Variants in ABCG2 observed in about 807,000 individuals in gnomAD.
ABCG2 encodes the protein broad substrate specificity ATP-binding cassette transporter ABCG2.
Under a neutral mutation model 73.5 loss-of-function variants are expected in ABCG2, and 80 were observed. That is an observed-to-expected ratio of 1.09 (90% CI 0.91 to 1.31). The LOEUF is 1.31. Ranked by LOEUF, ABCG2 falls within the 50% of genes most tolerant of loss-of-function variation. The pLI is 0.00. For synonymous variants in ABCG2, 269 were observed against 282.4 expected (o/e 0.95, Z 0.48); for missense variants, 796 against 786.2 (o/e 1.01, Z -0.15).
intron 1 of ABCG2, among the ~76,000 whole-genome samples, chr4:88,182,729 A>G (rs1249030342): frequency 1.3e-5 from 2 of 152,184 alleles, no homozygotes; most frequent in Non-Finnish European, 2.9e-5. Flanking sequence ...CAACATAGCA[A>G]AACCTATGGG....
intron 1 of ABCG2, among the ~76,000 whole-genome samples, chr4:88,169,587 A>C (rs989150935): frequency 3.9e-5 from 6 of 152,128 alleles, no homozygotes; most frequent in Non-Finnish European, 5.9e-5. Context: ...CATCATCCAC[A>C]AGTATGGCTA....
intron 1 of ABCG2, among the ~76,000 whole-genome samples, chr4:88,229,500 C>T (rs188637984): frequency 6.4e-4 from 98 of 152,248 alleles, no homozygotes; most frequent in African/African-American, 2.0e-3. Flanking sequence ...AAATTTACAA[C>T]CTACCTACTC....
intron 1 of ABCG2, among the ~76,000 whole-genome samples, chr4:88,207,031 G>T (rs118013835): frequency 6.6e-6 from 1 of 152,092 alleles, no homozygotes. Context: ...CTGACCTCAG[G>T]TGATCCACCC....
At position 88,132,573 on chromosome 4, in the gene ABCG2, C is replaced by T. The variant is rs762391128; in HGVS notation, c.263+3G>A. On this transcript the variant is annotated splice_donor_region_variant and intron_variant, in intron 3 of 15. Transcript: ENST00000237612. The stretch of plus-strand genomic sequence containing the variant: ...ACGCTTACTTATACTCTCTTATACT[C>T]ACGAAGATTTGCCTCCACCTGTGGG... 5.6e-6 allele frequency: 9 copies of T among 1,614,132 alleles called. No homozygotes were observed. The Admixed American group carries it at 1.5e-4, about 27-fold the overall frequency.
chr4:88,101,090 TTCA>T, intron 11 of ABCG2, 137 bp downstream of exon 11: 1 of 623,266 alleles, frequency 1.6e-6, no homozygotes, highest in Non-Finnish European at 2.8e-6. Flanking sequence ...ACAATTTTTA[TTCA>T]TCAATTTAAA....
At chr4:88,095,016 A>G (rs1420714053) in intron 14 of ABCG2, among the ~76,000 whole-genome samples, 1 of 152,182 alleles carries the variant, frequency 6.6e-6, no homozygotes, top group African/African-American at 2.4e-5. Flanking sequence ...TACAGTGACA[A>G]TCTTTCGTTC....
intron 1 of ABCG2, among the ~76,000 whole-genome samples, chr4:88,166,791 T>C (rs896074330): frequency 5.9e-5 from 9 of 152,120 alleles, no homozygotes; most frequent in African/African-American, 2.2e-4. Flanking sequence ...TGATTCATCA[T>C]CATAGGAAAG....
In ABCG2 at chr4:88,131,114, GT is replaced by G. The variant is rs755124421; in HGVS notation, c.477del (p.Glu159AspfsTer10). The G allele has an allele frequency of 4.3e-6, 7 of 1,613,984 alleles. No individual in the cohort carries two copies. In the South Asian group the frequency reaches 7.7e-5, roughly 18 times the overall value. ...ATTMTNHEKN[E>X]RINRVIQELG... ...AACTCTTGAATGACCCTGTTAATCC[GT>G]TCGTTTTTTTCATGATTCGTCATAG... On this transcript the variant is annotated frameshift_variant, in exon 5 of 16. Transcript: ENST00000237612. LOFTEE classifies it high-confidence loss of function.
chr4:88,134,956 T>C (rs17013870), intron 2 of ABCG2, among the ~76,000 whole-genome samples: 16,523 of 152,188 alleles, frequency 0.11, 2,321 homozygotes, highest in African/African-American at 0.33. Context: ...GTTTACATTC[T>C]AGTCCAGGGA....
chr4:88,101,798 T>C lies in ABCG2; in HGVS notation c.1278-479A>G, dbSNP rs377354391. Among the ~76,000 whole-genome samples, 47 of 152,284 alleles carry C rather than the reference T, an allele frequency of 3.1e-4. No homozygotes were observed. The South Asian group carries it at 9.7e-3, about 32-fold the overall frequency. ...GAGGGCCCTCACCAGAACCCAGCAA[T>C]GCTGGCATCCTGATCTCAGACTTTC... On this transcript the variant is annotated intron_variant, in intron 10 of 15. Coordinates refer to ENST00000237612, the MANE Select transcript of ABCG2 (RefSeq NM_004827.3).
chr4:88,218,547 C>T (rs751162527), intron 1 of ABCG2, among the ~76,000 whole-genome samples: 13 of 152,104 alleles, frequency 8.5e-5, no homozygotes, highest in African/African-American at 2.2e-4. Flanking sequence ...TACCCATCAC[C>T]GAAGCAGTAC....
chr4:88,115,322 C>T (rs1003676466), intron 7 of ABCG2, among the ~76,000 whole-genome samples: 1 of 142,834 alleles, frequency 7.0e-6, no homozygotes, highest in African/African-American at 2.6e-5. Flanking sequence ...CTCCCTCTGT[C>T]ACCCAGGCTG....
intron 1 of ABCG2, among the ~76,000 whole-genome samples, chr4:88,210,956 A>G (rs758818352): frequency 1.3e-5 from 2 of 152,050 alleles, no homozygotes; most frequent in Non-Finnish European, 2.9e-5. Flanking sequence ...CTGCCCCTGT[A>G]TTCCCAGCTA....
rs1050731810 is a variant in ABCG2, at chr4:88,091,219, G to A, written c.*1015C>T. 1.3e-5 allele frequency: 2 copies of A among 152,102 alleles called. No homozygotes were observed. Among genetic ancestry groups the A allele is most frequent in the African/African-American group, 4.8e-5 (2 of 41,426 alleles). The allele number at this position is 152,102 out of a possible 1,614,324, so 9.4% of individuals were successfully genotyped here. ...ACATGTGTGTTCATTTTAATTCACT[G>A]AACTATATTTTTTGGTACATTACCC... On this transcript the variant is annotated 3_prime_UTR_variant, in exon 16 of 16. Coordinates refer to ENST00000237612, the MANE Select transcript of ABCG2 (RefSeq NM_004827.3).
intron 1 of ABCG2, among the ~76,000 whole-genome samples, chr4:88,177,389 A>T (rs6828108): frequency 0.1 from 9,444 of 90,916 alleles, 1,009 homozygotes; most frequent in African/African-American, 0.26. Flanking sequence ...AAAAAAAATT[A>T]AAAAAAAAAG....
chr4:88,141,558 A>C (rs1405361414), intron 1 of ABCG2, among the ~76,000 whole-genome samples: 2 of 152,200 alleles, frequency 1.3e-5, no homozygotes, highest in Non-Finnish European at 2.9e-5. Flanking sequence ...GGGAATGTGG[A>C]CAAACCAAAA....
intron 1 of ABCG2, among the ~76,000 whole-genome samples, chr4:88,146,361 T>C (rs1246621460): frequency 6.6e-6 from 1 of 151,004 alleles, no homozygotes; most frequent in Non-Finnish European, 1.5e-5. Flanking sequence ...CATAAACAAA[T>C]CAGAGTCTAG....
chr4:88,224,708 TG>T (rs1730139332), intron 1 of ABCG2, among the ~76,000 whole-genome samples: 1 of 152,200 alleles, frequency 6.6e-6, no homozygotes, highest in Non-Finnish European at 1.5e-5. Context: ...TTAATTTTGA[TG>T]AAGTCCAATT....
Position 88,118,308 on chromosome 4 carries a change from G to GT in ABCG2, c.690-49dup, listed in dbSNP as rs1723740765. The GT allele has an allele frequency of 1.9e-6, 3 of 1,580,842 alleles. No individual in the cohort carries two copies. The African/African-American group carries it at 4.0e-5, about 21-fold the overall frequency. On this transcript the variant is annotated intron_variant, in intron 6 of 15. Transcript: ENST00000237612. ...CTAAGTCATTAAATATCTGAAACTT[G>GT]TATTTCTCAGTAAAATACTCTATTC...
Sources: allele counts gnomAD v4.1 joint callset (sites outside exome capture counted in the v4.1 genomes callset), GRCh38; gene constraint gnomAD v4.1.1; transcripts MANE v1.5; gene names NCBI Gene and HGNC (gene_info 2026-07-23, HGNC 2026-07-21).